The following ZNF516 variants were observed in gnomAD, a reference collection of about 807,000 sequenced individuals.
The protein encoded by ZNF516 is zinc finger protein 516.
A neutral mutation model predicts 79.7 loss-of-function variants in ZNF516; 19 were observed. The observed-to-expected ratio is 0.24, with a 90% confidence interval of 0.17 to 0.35. ZNF516 has a LOEUF of 0.35. Among genes scored for constraint, ZNF516 ranks in the 10% least tolerant of loss-of-function variants. The probability of loss-of-function intolerance (pLI) is 1.00; values close to 1 mark genes in which losing one functional copy is unlikely to be tolerated. For synonymous variants in ZNF516, 877 were observed against 739.5 expected (o/e 1.19, Z -3.02); for missense variants, 1,678 against 1,679.5 (o/e 1.00, Z 0.02).
At chr18:76,434,589 C>T (rs1346343915) in intron 3 of ZNF516, among the ~76,000 whole-genome samples, 1 of 152,234 alleles carries the variant, frequency 6.6e-6, no homozygotes, top group African/African-American at 2.4e-5. Context: ...GCACACCCCA[C>T]AGGACTTCTG....
In ZNF516 at chr18:76,441,645, T is replaced by G; in HGVS notation, c.1410A>C (p.Ala470=). The change falls in exon 3 of 7, where the codon GCA becomes GCC. Residue 470 remains alanine, a synonymous_variant. Transcript: ENST00000443185. ...SQEKRKREQD[A]PAAQGPPRKR... ...TCCGCGGGGGCCCCTGCGCGGCTGG[T>G]GCATCCTGCTCACGCTTGCGCTTCT... The G allele has an allele frequency of 6.5e-7, 1 of 1,531,560 alleles. No homozygotes were observed. Among genetic ancestry groups the G allele is most frequent in the Non-Finnish European group, 8.8e-7 (1 of 1,139,954 alleles). The allele number at this position is 1,531,560 out of a possible 1,614,324, so 94.9% of individuals were successfully genotyped here.
intron 3 of ZNF516, among the ~76,000 whole-genome samples, chr18:76,408,579 G>A (rs1171538027): frequency 6.6e-6 from 1 of 152,124 alleles, no homozygotes; most frequent in African/African-American, 2.4e-5. Flanking sequence ...ATCCAACTAG[G>A]AAACTGAGGG....
intron 1 of ZNF516, among the ~76,000 whole-genome samples, chr18:76,474,328 C>T (rs753253368): frequency 6.6e-6 from 1 of 152,114 alleles, no homozygotes; most frequent in Non-Finnish European, 1.5e-5. Context: ...CCATATTAAC[C>T]ACAAGGAAGG....
In ZNF516 at chr18:76,371,583, AGGT is replaced by A. The variant is rs750226144; in HGVS notation, c.3260-15_3260-13del. ...CGTCCGGAGTGTCCCTGCGGTGGCG[AGGT>A]GGTGGTGGTGGCAGGGCCGTGGTGG... On this transcript the variant is annotated splice_polypyrimidine_tract_variant and intron_variant, in intron 4 of 6. Transcript: ENST00000443185. The A allele has an allele frequency of 1.0e-5, 16 of 1,605,476 alleles. No homozygotes were observed. The highest frequency in any genetic ancestry group is 1.3e-5 in the African/African-American group (1 of 74,790).
At chr18:76,423,763 C>A (rs2075544623) in intron 3 of ZNF516, among the ~76,000 whole-genome samples, 2 of 148,398 alleles carry the variant, frequency 1.3e-5, no homozygotes, top group Non-Finnish European at 3.0e-5. Context: ...TGAAAAGGCT[C>A]CCCCGAAACA....
intron 2 of ZNF516, among the ~76,000 whole-genome samples, chr18:76,454,922 C>CAA (rs998970354): frequency 1.3e-5 from 2 of 152,118 alleles, no homozygotes; most frequent in African/African-American, 4.8e-5. Flanking sequence ...TTTTCTAAGC[C>CAA]AAAACATCTT....
At chr18:76,395,568 G>A (rs183312583) in intron 3 of ZNF516, among the ~76,000 whole-genome samples, 40 of 152,266 alleles carry the variant, frequency 2.6e-4, no homozygotes, top group African/African-American at 8.4e-4. Context: ...CTCAGGGGCA[G>A]GTACGGAATT....
intron 1 of ZNF516, among the ~76,000 whole-genome samples, chr18:76,475,272 A>G (rs575648178): frequency 6.6e-6 from 1 of 152,380 alleles, no homozygotes; most frequent in East Asian, 1.9e-4. Flanking sequence ...AGCAATAAAC[A>G]TTAAGAAATC....
At chr18:76,362,649 C>A in intron 6 of ZNF516, 92 bp from the exon 7 acceptor site, 1 of 1,295,254 alleles carries the variant, frequency 7.7e-7, no homozygotes, top group Non-Finnish European at 1.1e-6. Context: ...TAATCAACAT[C>A]CAAGAACACA....
chr18:76,433,546 C>T (rs1462497843), intron 3 of ZNF516, among the ~76,000 whole-genome samples: 1 of 152,222 alleles, frequency 6.6e-6, no homozygotes, highest in East Asian at 1.9e-4. Flanking sequence ...CGGCTGCACG[C>T]TCAGGCCTTG....
At chr18:76,490,146 T>C in intron 1 of ZNF516, 1 of 985,274 alleles carries the variant, frequency 1.0e-6, no homozygotes. Flanking sequence ...TTACACAGAA[T>C]TCAGTTCATC....
At chr18:76,383,422 C>A in intron 3 of ZNF516, among the ~76,000 whole-genome samples, 1 of 140,394 alleles carries the variant, frequency 7.1e-6, no homozygotes, top group Middle Eastern at 4.9e-3. Flanking sequence ...TCTTCTCCAC[C>A]AGGCACCTTC....
chr18:76,400,164 G>A (rs1028281049), intron 3 of ZNF516, among the ~76,000 whole-genome samples: 2 of 152,078 alleles, frequency 1.3e-5, no homozygotes, highest in Non-Finnish European at 2.9e-5. Context: ...ACAGATGGAG[G>A]GACAATTTCC....
At chr18:76,406,212 G>A (rs948646) in intron 3 of ZNF516, among the ~76,000 whole-genome samples, 87,657 of 152,068 alleles carry the variant, frequency 0.58, 25,439 homozygotes, top group South Asian at 0.68. Context: ...ACCAGGTGGC[G>A]CCTGTGCTGG....
chr18:76,398,599 A>G (rs2075175935), intron 3 of ZNF516, among the ~76,000 whole-genome samples: 1 of 152,160 alleles, frequency 6.6e-6, no homozygotes, highest in Admixed American at 6.5e-5. Flanking sequence ...GGCCCATAAC[A>G]CTAGTTATGA....
intron 3 of ZNF516, among the ~76,000 whole-genome samples, chr18:76,416,262 C>T (rs1043050647): frequency 1.3e-5 from 2 of 152,238 alleles, no homozygotes; most frequent in Non-Finnish European, 2.9e-5. Context: ...CCAGGCAGGA[C>T]TGCCCCTTTT....
rs1317874531 is a variant in ZNF516 at position 76,401,108 on chromosome 18, G to C, written c.1811-20805C>G. ...ATTTATGCCTAGTGTTCCATTATTGGAACGCTAAGCTCATGGGAGTTATTT... is the reference window on the plus strand; with the variant it reads ...ATTTATGCCTAGTGTTCCATTATTGCAACGCTAAGCTCATGGGAGTTATTT... On this transcript the variant is annotated intron_variant, in intron 3 of 6. Coordinates refer to ENST00000443185, the MANE Select transcript of ZNF516 (RefSeq NM_014643.4). Among the ~76,000 whole-genome samples, 6 of 152,076 alleles carry C rather than the reference G, an allele frequency of 3.9e-5. No individual in the cohort carries two copies. In the South Asian group the frequency reaches 1.0e-3, roughly 26 times the overall value.
At chr18:76,475,804 A>T (rs1039233234) in intron 1 of ZNF516, among the ~76,000 whole-genome samples, 14 of 151,928 alleles carry the variant, frequency 9.2e-5, no homozygotes, top group Admixed American at 4.6e-4. Flanking sequence ...ACGCAAAATT[A>T]AAAAAAAATT....
intron 1 of ZNF516, among the ~76,000 whole-genome samples, chr18:76,478,018 AG>A (rs1377581740): frequency 6.6e-6 from 1 of 152,136 alleles, no homozygotes; most frequent in African/African-American, 2.4e-5. Flanking sequence ...TGAAGGGAAA[AG>A]GAGGTTATCT....
Sources: gnomAD v4.1 joint callset for allele counts (sites outside exome capture counted in the v4.1 genomes callset) on GRCh38, gnomAD v4.1.1 for gene constraint, MANE v1.5 for transcripts, NCBI Gene and HGNC (gene_info 2026-07-23, HGNC 2026-07-21) for gene names.